The following APBB1IP variants were observed in gnomAD, a reference collection of about 807,000 sequenced individuals.
The protein encoded by APBB1IP is amyloid beta precursor protein binding family B member 1 interacting protein, also known as amyloid beta A4 precursor protein-binding family B member 1-interacting protein.
A neutral mutation model predicts 64.9 loss-of-function variants in APBB1IP; 27 were observed. The ratio of observed to expected loss-of-function variants is 0.42; its 90% confidence interval spans 0.31 to 0.57. The LOEUF (loss-of-function observed/expected upper bound fraction) is 0.57, where lower values mean the gene tolerates loss of function less well. APBB1IP is among the 20% of genes least tolerant of loss of function. The probability of loss-of-function intolerance (pLI) is 0.20; values close to 1 mark genes in which losing one functional copy is unlikely to be tolerated. For missense variants in APBB1IP, 812 were observed against 845.5 expected, an observed-to-expected ratio of 0.96 and a Z score of 0.49; for synonymous variants, 392 against 331.0, an observed-to-expected ratio of 1.18 and a Z score of -2.00.
At chr10:26,558,762 G>A (rs536664779) in intron 11 of APBB1IP, among the ~76,000 whole-genome samples, 10 of 152,258 alleles carry the variant, frequency 6.6e-5, no homozygotes, top group Middle Eastern at 3.4e-3. Context: ...GGGCAACAGA[G>A]TGAGACCCTG....
rs760840695 is a variant in APBB1IP at position 26,562,378 on chromosome 10, T to C, written c.1422T>C (p.His474=). The change falls in exon 14 of 15, where the codon CAT becomes CAC. Residue 474 remains histidine, a synonymous_variant. Transcript: ENST00000376236. ...QPNGQIPQAT[H]SVSAVLQEAQ... Reference sequence around the variant, plus strand: ...ATGGACAGATTCCCCAGGCTACACATTCTGTCAGTGCTGTTCTCCAAGAGG... The same window carrying C: ...ATGGACAGATTCCCCAGGCTACACACTCTGTCAGTGCTGTTCTCCAAGAGG... 8.7e-6 allele frequency: 14 copies of C among 1,613,886 alleles called. No homozygotes were observed. The South Asian group carries it at 1.2e-4, about 14-fold the overall frequency.
chr10:26,485,308 GGA>G (rs1338475359), intron 2 of APBB1IP, among the ~76,000 whole-genome samples: 1 of 152,150 alleles, frequency 6.6e-6, no homozygotes, highest in Non-Finnish European at 1.5e-5. Flanking sequence ...GCCTGGCCCT[GGA>G]ATGTGACATT....
chr10:26,524,192 G>A (rs540530941), intron 8 of APBB1IP, among the ~76,000 whole-genome samples: 4 of 152,052 alleles, frequency 2.6e-5, no homozygotes, highest in East Asian at 1.9e-4. Flanking sequence ...AGCAAGCCAC[G>A]AAACCTAGAA....
chr10:26,513,127 A>C (rs1355876535), intron 7 of APBB1IP, among the ~76,000 whole-genome samples: 1 of 152,230 alleles, frequency 6.6e-6, no homozygotes, highest in Non-Finnish European at 1.5e-5. Context: ...ATATGAAAAA[A>C]GTATGTCTCT....
At chr10:26,488,199 G>A (rs1438515717) in intron 2 of APBB1IP, among the ~76,000 whole-genome samples, 2 of 151,832 alleles carry the variant, frequency 1.3e-5, no homozygotes, top group African/African-American at 2.4e-5. Context: ...GTGAAACCAT[G>A]GAGATAATAT....
At chr10:26,527,058 C>G (rs920062282) in intron 8 of APBB1IP, among the ~76,000 whole-genome samples, 11 of 152,168 alleles carry the variant, frequency 7.2e-5, no homozygotes, top group Admixed American at 3.9e-4. Flanking sequence ...TTCCAGCCTC[C>G]CTCAGCCCAC....
intron 8 of APBB1IP, among the ~76,000 whole-genome samples, chr10:26,525,677 G>A (rs1356580101): frequency 1.3e-5 from 2 of 152,182 alleles, no homozygotes; most frequent in African/African-American, 4.8e-5. Flanking sequence ...GTTTATGGCT[G>A]AGGTCGCTAT....
Position 26,503,259 on chromosome 10 carries a change from G to A in APBB1IP, c.516G>A (p.Glu172=), listed in dbSNP as rs139379193. ...KIKLALEKLK[E]AKVKKLVVKV... ...AGCTGGCGCTGGAAAAACTGAAGGAGGCCAAGGTTAAGAAGGTGAATCATG... is the reference window on the plus strand; with the variant it reads ...AGCTGGCGCTGGAAAAACTGAAGGAAGCCAAGGTTAAGAAGGTGAATCATG... Residue 172 remains glutamate (E), a synonymous_variant, in exon 6 of 15, where the codon GAG becomes GAA. Coordinates refer to ENST00000376236, the MANE Select transcript of APBB1IP (RefSeq NM_019043.4). The A allele has an allele frequency of 2.2e-5, 35 of 1,613,972 alleles. No individual in the cohort carries two copies. The highest frequency in any genetic ancestry group is 2.8e-5 in the Non-Finnish European group (33 of 1,179,998).
intron 3 of APBB1IP, 117 bp downstream of exon 3, chr10:26,492,515 C>T (rs1379220314): frequency 5.8e-6 from 5 of 861,188 alleles, no homozygotes; most frequent in African/African-American, 5.1e-5. Flanking sequence ...GAACCAGCCC[C>T]CGATATTTCA....
chr10:26,498,087 C>T (rs1217941218), intron 4 of APBB1IP, among the ~76,000 whole-genome samples: 1 of 152,122 alleles, frequency 6.6e-6, no homozygotes, highest in Non-Finnish European at 1.5e-5. Flanking sequence ...GTGCCAGTGA[C>T]TCTTTCTTGA....
At chr10:26,537,959 T>A (rs1397429693) in intron 10 of APBB1IP, among the ~76,000 whole-genome samples, 1 of 148,816 alleles carries the variant, frequency 6.7e-6, no homozygotes, top group African/African-American at 2.5e-5. Flanking sequence ...AAAAAGTGTT[T>A]ACAGTAGAGT....
At chr10:26,502,939 T>C (rs1201339190) in intron 5 of APBB1IP, among the ~76,000 whole-genome samples, 1 of 152,210 alleles carries the variant, frequency 6.6e-6, no homozygotes, top group Non-Finnish European at 1.5e-5. Flanking sequence ...TTCTATATCT[T>C]TGAGTTGAAG....
rs1564381256 is a variant in APBB1IP at position 26,567,148 on chromosome 10, TGCC to T, written c.1671_1673del (p.Pro562del). The T allele has an allele frequency of 1.9e-5, 27 of 1,414,822 alleles. No homozygotes were observed. Among genetic ancestry groups the T allele is most frequent in the Admixed American group, 9.3e-5 (3 of 32,376 alleles). 87.6% of individuals were successfully genotyped at this position (1,414,822 alleles called of 1,614,324 possible). On this transcript the variant is annotated inframe_deletion, in exon 15 of 15. Coordinates refer to ENST00000376236, the MANE Select transcript of APBB1IP (RefSeq NM_019043.4). ...TTGCCCGCCCCACCCGACGACTTCC[TGCC>T]GCCGCCGCCACCGCCGCCGCCCCTC...
At chr10:26,448,594 G>A (rs548337155) in intron 2 of APBB1IP, among the ~76,000 whole-genome samples, 5 of 152,262 alleles carry the variant, frequency 3.3e-5, no homozygotes, top group Non-Finnish European at 5.9e-5. Context: ...ATTTTTTAGG[G>A]TAAAGGAAGT....
At chr10:26,476,452 A>AAAAAG (rs1248664332) in intron 2 of APBB1IP, among the ~76,000 whole-genome samples, 13 of 150,066 alleles carry the variant, frequency 8.7e-5, no homozygotes, top group Non-Finnish European at 1.6e-4. Context: ...GTCTCAAAAA[A>AAAAAG]AAAAAAAAAA....
At position 26,514,912 on chromosome 10, in the gene APBB1IP, G is replaced by GC. The variant is rs1426298264; in HGVS notation, c.813+1254dup. 6.0e-5 allele frequency among the ~76,000 whole-genome samples: 9 copies of GC among 149,452 alleles called. No individual in the cohort carries two copies. In the East Asian group the frequency reaches 1.8e-3, roughly 29 times the overall value. On this transcript the variant is annotated intron_variant, in intron 8 of 14. Coordinates refer to ENST00000376236, the MANE Select transcript of APBB1IP (RefSeq NM_019043.4). Reference sequence around the variant, plus strand: ...TTGTTAGACAAAGTCTTCTTCTGTTGCCAGGCTGGAGTGCAGTGGTGCAAT... The same window carrying GC: ...TTGTTAGACAAAGTCTTCTTCTGTTGCCCAGGCTGGAGTGCAGTGGTGCAAT...
chr10:26,479,716 T>C (rs775307016), intron 2 of APBB1IP, among the ~76,000 whole-genome samples: 1 of 152,256 alleles, frequency 6.6e-6, no homozygotes, highest in African/African-American at 2.4e-5. Flanking sequence ...CTGCATATTC[T>C]TTTACCTTCT....
intron 14 of APBB1IP, among the ~76,000 whole-genome samples, chr10:26,565,937 A>G (rs572687576): frequency 4.6e-5 from 7 of 152,256 alleles, no homozygotes; most frequent in South Asian, 4.1e-4. Context: ...ATAAATCTTT[A>G]ACAAAACATA....
rs117118062 is a variant in APBB1IP at position 26,446,014 on chromosome 10, C to A, written c.-1+7161C>A. 2.0e-5 allele frequency among the ~76,000 whole-genome samples: 3 copies of A among 152,228 alleles called. No individual in the cohort carries two copies. In the South Asian group the frequency reaches 6.2e-4, roughly 32 times the overall value. ...CCACCTAGTAGAACTGTGTTTTCCACGGGGCAGAAGTTCAGTCTTTCAAGT... is the reference window on the plus strand; with the variant it reads ...CCACCTAGTAGAACTGTGTTTTCCAAGGGGCAGAAGTTCAGTCTTTCAAGT... On this transcript the variant is annotated intron_variant, in intron 2 of 14. Transcript: ENST00000376236.
Sources: allele counts gnomAD v4.1 joint callset (sites outside exome capture counted in the v4.1 genomes callset), GRCh38; gene constraint gnomAD v4.1.1; transcripts MANE v1.5; gene names NCBI Gene and HGNC (gene_info 2026-07-23, HGNC 2026-07-21).